Variants in SEZ6L observed in about 807,000 individuals in gnomAD.
The protein encoded by SEZ6L is seizure related 6 homolog like, also known as seizure 6-like protein.
Under a neutral mutation model 106.2 loss-of-function variants are expected in SEZ6L, and 37 were observed. The ratio of observed to expected loss-of-function variants is 0.35; its 90% CI spans 0.27 to 0.46. SEZ6L has a LOEUF of 0.46. Ranked by LOEUF, SEZ6L falls within the 20% of genes least tolerant of loss-of-function variation. The pLI is 1.00. For synonymous variants in SEZ6L, 541 were observed against 570.4 expected, an observed-to-expected ratio of 0.95 and a Z score of 0.73; for missense variants, 1,172 against 1,332.8, an observed-to-expected ratio of 0.88 and a Z score of 1.88.
At chr22:26,265,591 C>T (rs1056284417) in intron 1 of SEZ6L, among the ~76,000 whole-genome samples, 22 of 152,206 alleles carry the variant, frequency 1.4e-4, no homozygotes, top group African/African-American at 5.3e-4. Flanking sequence ...CAGAGAGCTG[C>T]AAACCGCCTG....
chr22:26,337,483 T>C (rs897492885), intron 9 of SEZ6L, among the ~76,000 whole-genome samples: 4 of 152,178 alleles, frequency 2.6e-5, no homozygotes, highest in African/African-American at 9.7e-5. Context: ...TCATGAACAA[T>C]TGATGTTTTC....
chr22:26,306,663 A>C (rs543369491), intron 6 of SEZ6L, among the ~76,000 whole-genome samples: 1 of 152,324 alleles, frequency 6.6e-6, no homozygotes, highest in South Asian at 2.1e-4. Flanking sequence ...AGAATCCAGA[A>C]TATGCATAGA....
intron 1 of SEZ6L, among the ~76,000 whole-genome samples, chr22:26,266,068 A>G (rs1287484770): frequency 6.6e-6 from 1 of 152,174 alleles, no homozygotes; most frequent in African/African-American, 2.4e-5. Context: ...AGTCAAGGCC[A>G]CCAAGGTTCT....
At chr22:26,196,189 G>A (rs1412312075) in intron 1 of SEZ6L, among the ~76,000 whole-genome samples, 4 of 152,202 alleles carry the variant, frequency 2.6e-5, no homozygotes, top group Middle Eastern at 3.4e-3. Flanking sequence ...AAAAGCATGT[G>A]GCACCTCCCC....
chr22:26,224,890 A>C (rs182283534), intron 1 of SEZ6L, among the ~76,000 whole-genome samples: 1 of 152,308 alleles, frequency 6.6e-6, no homozygotes. Flanking sequence ...CTGCAACCAC[A>C]TGACTCTGCA....
intron 4 of SEZ6L, among the ~76,000 whole-genome samples, chr22:26,298,168 G>A (rs1483335320): frequency 6.6e-6 from 1 of 151,190 alleles, no homozygotes; most frequent in Non-Finnish European, 1.5e-5. Flanking sequence ...ACTGCCCTTT[G>A]CTGTTGTTGT....
chr22:26,307,941 G>A (rs2081686315), intron 6 of SEZ6L, among the ~76,000 whole-genome samples: 3 of 152,260 alleles, frequency 2.0e-5, no homozygotes, highest in South Asian at 4.2e-4. Flanking sequence ...CTGGGGTCCT[G>A]CAAAGATCTG....
At chr22:26,322,615 C>T (rs533140424) in intron 9 of SEZ6L, among the ~76,000 whole-genome samples, 8 of 152,218 alleles carry the variant, frequency 5.3e-5, no homozygotes, top group Middle Eastern at 3.4e-3. Context: ...AGAAAAGTGT[C>T]GTGAGCAAAG....
At chr22:26,353,178 A>C (rs1416026614) in intron 12 of SEZ6L, among the ~76,000 whole-genome samples, 1 of 152,244 alleles carries the variant, frequency 6.6e-6, no homozygotes, top group Non-Finnish European at 1.5e-5. Context: ...GCTGAAGGGA[A>C]TCTGAGAGAT....
chr22:26,255,360 G>T lies in SEZ6L; in HGVS notation c.95-37046G>T, dbSNP rs78487378. ...TAAATCACCAAAGCTTTCCTATCTG[G>T]GTGGCCTTCATAGAGAAGAAGAATC... On this transcript the variant is annotated intron_variant, in intron 1 of 16. Coordinates refer to ENST00000248933, the MANE Select transcript of SEZ6L (RefSeq NM_021115.5). Among the ~76,000 whole-genome samples, 1,326 of 152,174 alleles carry T rather than the reference G, an allele frequency of 8.7e-3. 12 individuals are homozygous for T. Among genetic ancestry groups the T allele is most frequent in the Non-Finnish European group, 0.014 (928 of 68,008 alleles).
At chr22:26,216,547 TCAGGAGGCTGAAG>T (rs2078304615) in intron 1 of SEZ6L, among the ~76,000 whole-genome samples, 1 of 152,128 alleles carries the variant, frequency 6.6e-6, no homozygotes, top group East Asian at 1.9e-4. Flanking sequence ...TCCCAGTTAA[TCAGGAGGCTGAAG>T]CAGGAGAATC....
chr22:26,264,285 G>T (rs952593389), intron 1 of SEZ6L, among the ~76,000 whole-genome samples: 10 of 152,214 alleles, frequency 6.6e-5, no homozygotes, highest in African/African-American at 2.2e-4. Context: ...CTTTGTCAGG[G>T]CCCTCTCTGG....
rs192870910 is a variant in SEZ6L at position 26,361,287 on chromosome 22, C to G, written c.2600-4085C>G. Among the ~76,000 whole-genome samples, 28 of 148,174 alleles carry G rather than the reference C, an allele frequency of 1.9e-4. 2 individuals are homozygous for G. The South Asian group carries it at 5.8e-3, about 31-fold the overall frequency. On this transcript the variant is annotated intron_variant, in intron 12 of 16. Coordinates refer to ENST00000248933, the MANE Select transcript of SEZ6L (RefSeq NM_021115.5). ...CTGAGGCGGATGGATCACTTGAGGT[C>G]AGGAGTTCGAGACCAGCCTGGCCAA...
intron 1 of SEZ6L, among the ~76,000 whole-genome samples, chr22:26,280,135 G>A (rs76720987): frequency 0.014 from 2,206 of 152,186 alleles, 50 homozygotes; most frequent in African/African-American, 0.051. Flanking sequence ...ATGCACACCC[G>A]CCTACCTTGA....
At chr22:26,268,689 T>C (rs1689158814) in intron 1 of SEZ6L, among the ~76,000 whole-genome samples, 1 of 152,168 alleles carries the variant, frequency 6.6e-6, no homozygotes, top group Non-Finnish European at 1.5e-5. Flanking sequence ...AAGGTGCCTG[T>C]CCCGTGCATT....
intron 1 of SEZ6L, among the ~76,000 whole-genome samples, chr22:26,208,479 A>G (rs1398533217): frequency 1.3e-5 from 2 of 152,018 alleles, no homozygotes; most frequent in African/African-American, 2.4e-5. Context: ...TTTGAAAAAT[A>G]TTTTCTCTTT....
chr22:26,257,176 T>C (rs1403219619), intron 1 of SEZ6L, among the ~76,000 whole-genome samples: 1 of 152,204 alleles, frequency 6.6e-6, no homozygotes, highest in Non-Finnish European at 1.5e-5. Context: ...TCTCCTATCA[T>C]AAAGAATTAT....
At chr22:26,305,802 G>A (rs1197514758) in intron 5 of SEZ6L, among the ~76,000 whole-genome samples, 177 bp from the exon 6 acceptor site, 2 of 152,162 alleles carry the variant, frequency 1.3e-5, no homozygotes, top group Admixed American at 6.5e-5. Flanking sequence ...CTCCCTGCCC[G>A]GTTTCCTCCC....
intron 12 of SEZ6L, among the ~76,000 whole-genome samples, chr22:26,358,581 A>G (rs2083512998): frequency 6.6e-6 from 1 of 152,160 alleles, no homozygotes; most frequent in Non-Finnish European, 1.5e-5. Context: ...TCTATTGTTA[A>G]AGAGAGGGGA....
Sources: gnomAD v4.1 joint callset for allele counts (sites outside exome capture counted in the v4.1 genomes callset) on GRCh38, gnomAD v4.1.1 for gene constraint, MANE v1.5 for transcripts, NCBI Gene and HGNC (gene_info 2026-07-23, HGNC 2026-07-21) for gene names.